DCDC1: variants seen among roughly 807,000 people sequenced by gnomAD.
DCDC1 encodes the protein doublecortin domain containing 1.
In DCDC1, 200 loss-of-function variants were observed where a neutral mutation model predicts 178.3. That is an observed-to-expected ratio of 1.12 (90% CI 1.00 to 1.26). The LOEUF is 1.26. Among genes scored for constraint, DCDC1 ranks in the 50% most tolerant of loss-of-function variants. The probability of loss-of-function intolerance (pLI) is 0.00; values close to 1 mark genes in which losing one functional copy is unlikely to be tolerated. For synonymous variants in DCDC1, 690 were observed against 604.8 expected, an observed-to-expected ratio of 1.14 and a Z score of -2.07; for missense variants, 1,983 against 1,749.2, an observed-to-expected ratio of 1.13 and a Z score of -2.38.
At chr11:31,258,374 A>G (rs1441743325) in intron 8 of DCDC1, among the ~76,000 whole-genome samples, 2 of 152,204 alleles carry the variant, frequency 1.3e-5, no homozygotes, top group Non-Finnish European at 2.9e-5. Flanking sequence ...TGCAAGAAAA[A>G]TATCTAGAGG....
intron 9 of DCDC1, among the ~76,000 whole-genome samples, chr11:31,216,126 G>A (rs1973525442): frequency 6.6e-6 from 1 of 152,094 alleles, no homozygotes; most frequent in Admixed American, 6.5e-5. Flanking sequence ...CTTCAAAAGG[G>A]AGAATCCCAG....
intron 20 of DCDC1, among the ~76,000 whole-genome samples, chr11:30,980,599 G>C (rs1465508836): frequency 6.6e-6 from 1 of 152,094 alleles, no homozygotes; most frequent in Non-Finnish European, 1.5e-5. Context: ...AAATGGGGGT[G>C]GCCCATGGGC....
chr11:30,941,862 A>C (rs1379244638), intron 21 of DCDC1, among the ~76,000 whole-genome samples: 3 of 152,240 alleles, frequency 2.0e-5, no homozygotes, highest in Non-Finnish European at 4.4e-5. Context: ...GGAGAAAAGC[A>C]GTATAAATAA....
intron 7 of DCDC1, among the ~76,000 whole-genome samples, chr11:31,286,295 T>G (rs1409277261): frequency 6.6e-6 from 1 of 152,094 alleles, no homozygotes; most frequent in Non-Finnish European, 1.5e-5. Context: ...TCCTTTTGCC[T>G]ACAGTAAGTA....
chr11:31,158,855 A>G (rs191912172), intron 9 of DCDC1, among the ~76,000 whole-genome samples: 1 of 152,278 alleles, frequency 6.6e-6, no homozygotes, highest in East Asian at 1.9e-4. Flanking sequence ...AAGCCCCTCC[A>G]AAGTGTCAAA....
At chr11:30,908,552 T>A (rs1197173938) in intron 29 of DCDC1, among the ~76,000 whole-genome samples, 2 of 152,144 alleles carry the variant, frequency 1.3e-5, no homozygotes, top group Admixed American at 1.3e-4. Context: ...TCAGAAAATG[T>A]CCAAAATTTT....
intron 9 of DCDC1, among the ~76,000 whole-genome samples, chr11:31,205,260 G>C (rs1269575820): frequency 6.6e-6 from 1 of 152,144 alleles, no homozygotes; most frequent in African/African-American, 2.4e-5. Flanking sequence ...TCCTTGTATG[G>C]TACAACAGCA....
In DCDC1 at chr11:31,307,864, T is replaced by C. The variant is rs1948556852; in HGVS notation, c.209A>G (p.Asp70Gly). Residue 70 changes from aspartate (D) to glycine (G), a missense_variant, in exon 4 of 39, where the codon GAT becomes GGT. By Grantham distance (94) the Asp-to-Gly change is moderately conservative. Transcript: ENST00000684477. ...SQAKAVIKTT[D>G]DYLQSQFGPN... is the part of the protein sequence containing the mutation. Reference sequence around the variant, plus strand: ...GCCAAACTGAGACTGCAAATAATCATCAGTAGTTTTAATAACTGCTTTTGC... The same window carrying C: ...GCCAAACTGAGACTGCAAATAATCACCAGTAGTTTTAATAACTGCTTTTGC... 6.2e-7 allele frequency: 1 copy of C among 1,613,978 alleles called. No homozygotes were observed. The highest frequency in any genetic ancestry group is 8.5e-7 in the Non-Finnish European group (1 of 1,179,970).
intron 9 of DCDC1, among the ~76,000 whole-genome samples, chr11:31,229,360 A>C (rs2136756705): frequency 6.6e-6 from 1 of 152,270 alleles, no homozygotes; most frequent in Admixed American, 6.5e-5. Context: ...ATAGCATTTA[A>C]TAAATCAATT....
chr11:31,155,086 C>T (rs1305756734), intron 9 of DCDC1, among the ~76,000 whole-genome samples: 2 of 152,136 alleles, frequency 1.3e-5, no homozygotes, highest in African/African-American at 2.4e-5. Context: ...TTTACTGTCC[C>T]GCATTTCTAA....
In DCDC1 at chr11:31,305,584, G is replaced by C. The variant is rs779167131; in HGVS notation, c.754+31C>G. ...ACCCCTTAAGCAATTCAGTATGTGTGGGGGTAGGGTATTTTTTAGATCTTT... is the reference window on the plus strand; with the variant it reads ...ACCCCTTAAGCAATTCAGTATGTGTCGGGGTAGGGTATTTTTTAGATCTTT... On this transcript the variant is annotated intron_variant, in intron 6 of 38. Coordinates refer to ENST00000684477, the MANE Select transcript of DCDC1 (RefSeq NM_001387274.1). 6 of 1,609,642 alleles carry C rather than the reference G, an allele frequency of 3.7e-6. No individual in the cohort carries two copies. The South Asian group carries it at 6.6e-5, about 18-fold the overall frequency.
At chr11:31,216,109 C>A (rs912346672) in intron 9 of DCDC1, among the ~76,000 whole-genome samples, 5 of 151,962 alleles carry the variant, frequency 3.3e-5, no homozygotes, top group African/African-American at 1.2e-4. Flanking sequence ...GAAAGGACAC[C>A]AAGAAACTTC....
At chr11:31,261,898 T>C (rs1944812427) in intron 8 of DCDC1, among the ~76,000 whole-genome samples, 1 of 152,170 alleles carries the variant, frequency 6.6e-6, no homozygotes, top group Non-Finnish European at 1.5e-5. Context: ...TAAAATCATC[T>C]TCTGTGGTAG....
intron 6 of DCDC1, among the ~76,000 whole-genome samples, chr11:31,304,688 T>C (rs978323914): frequency 6.6e-6 from 1 of 152,152 alleles, no homozygotes; most frequent in South Asian, 2.1e-4. Flanking sequence ...ATTACTTTTC[T>C]TCTACTTATG....
chr11:30,910,671 T>C (rs1031135842), intron 28 of DCDC1, among the ~76,000 whole-genome samples: 1 of 152,064 alleles, frequency 6.6e-6, no homozygotes, highest in Non-Finnish European at 1.5e-5. Flanking sequence ...AAAACACATA[T>C]TCGTTTAAGA....
intron 7 of DCDC1, among the ~76,000 whole-genome samples, chr11:31,286,537 T>A (rs887042398): frequency 6.6e-6 from 1 of 151,878 alleles, no homozygotes; most frequent in South Asian, 2.1e-4. Context: ...TCAATTATTA[T>A]TAATATTAAA....
At chr11:31,151,070 A>C (rs1052028118) in intron 9 of DCDC1, among the ~76,000 whole-genome samples, 4 of 152,348 alleles carry the variant, frequency 2.6e-5, no homozygotes, top group Admixed American at 2.0e-4. Context: ...TGGGCACGGC[A>C]GATACACTGT....
At chr11:31,194,842 T>A (rs917847125) in intron 9 of DCDC1, among the ~76,000 whole-genome samples, 7 of 152,130 alleles carry the variant, frequency 4.6e-5, no homozygotes, top group Non-Finnish European at 5.9e-5. Flanking sequence ...AAGCTTTTGA[T>A]AAATGTTCCA....
At chr11:30,932,941 G>T (rs1224043550) in intron 21 of DCDC1, among the ~76,000 whole-genome samples, 2 of 151,952 alleles carry the variant, frequency 1.3e-5, no homozygotes, top group Admixed American at 1.3e-4. Flanking sequence ...GTAAATGCAG[G>T]AAGGGATGAT....
Sources: gnomAD v4.1 joint callset for allele counts (sites outside exome capture counted in the v4.1 genomes callset) on GRCh38, gnomAD v4.1.1 for gene constraint, MANE v1.5 for transcripts, NCBI Gene and HGNC (gene_info 2026-07-23, HGNC 2026-07-21) for gene names.